The following NRP2 variants were observed in gnomAD, a reference collection of about 807,000 sequenced individuals.
NRP2 encodes neuropilin-2.
Under a neutral mutation model 110.4 loss-of-function variants are expected in NRP2, and 52 were observed. The ratio of observed to expected loss-of-function variants is 0.47; its 90% confidence interval spans 0.38 to 0.59. The LOEUF (loss-of-function observed/expected upper bound fraction) is 0.59. Among genes scored for constraint, NRP2 ranks in the 20% least tolerant of loss-of-function variants. The probability of loss-of-function intolerance (pLI) is 0.00; values close to 1 mark genes in which losing one functional copy is unlikely to be tolerated. For synonymous variants in NRP2, 508 were observed against 468.9 expected (o/e 1.08, Z -1.08); for missense variants, 1,049 against 1,203.0 (o/e 0.87, Z 1.89).
At chr2:205,689,237 A>G (rs1225044908) in intron 1 of NRP2, among the ~76,000 whole-genome samples, 21 of 152,202 alleles carry the variant, frequency 1.4e-4, no homozygotes. Flanking sequence ...TGGGAACTAG[A>G]CTGCCTGGGT....
At chr2:205,722,829 T>C (rs1249985525) in intron 4 of NRP2, 121 bp downstream of exon 4, 1 of 769,444 alleles carries the variant, frequency 1.3e-6, no homozygotes, top group Non-Finnish European at 2.2e-6. Flanking sequence ...TGACCCATGG[T>C]GACTTTCTCT....
chr2:205,691,357 G>C (rs1275309702), intron 1 of NRP2, among the ~76,000 whole-genome samples: 1 of 152,194 alleles, frequency 6.6e-6, no homozygotes, highest in East Asian at 1.9e-4. Context: ...GTGGGATTTA[G>C]AGCAGGGAAG....
At chr2:205,688,630 G>A (rs2056231311) in intron 1 of NRP2, among the ~76,000 whole-genome samples, 1 of 152,064 alleles carries the variant, frequency 6.6e-6, no homozygotes, top group Non-Finnish European at 1.5e-5. Flanking sequence ...CGATCCTCTG[G>A]GACCTTGGTT....
In NRP2 at chr2:205,763,475, C is replaced by T. The variant is rs1167742231; in HGVS notation, c.2045-199C>T. Among the ~76,000 whole-genome samples, 1 of 152,046 alleles carries T rather than the reference C, an allele frequency of 6.6e-6. No homozygotes were observed. Among genetic ancestry groups the T allele is most frequent in the Non-Finnish European group, 1.5e-5 (1 of 68,014 alleles). ...AGGAGGGACCGATTTGACTTAGAGACTCTTAAGAAAACACAGCATTTGAAT... is the reference window on the plus strand; with the variant it reads ...AGGAGGGACCGATTTGACTTAGAGATTCTTAAGAAAACACAGCATTTGAAT... On this transcript the variant is annotated intron_variant, in intron 12 of 16. Transcript: ENST00000357785. This position sits in a 1 kb window ranked among gnomAD's most constrained non-coding sequence, Gnocchi z 4.0.
intron 7 of NRP2, among the ~76,000 whole-genome samples, chr2:205,732,685 G>A (rs548474515): frequency 1.3e-5 from 2 of 152,192 alleles, no homozygotes; most frequent in South Asian, 4.1e-4. Context: ...AGGCCCCATG[G>A]GATATTTATG....
intron 16 of NRP2, 95 bp from the exon 17 acceptor site, chr2:205,794,659 C>T (rs1285359929): frequency 7.2e-6 from 9 of 1,257,548 alleles, no homozygotes; most frequent in East Asian, 4.6e-5. Flanking sequence ...CTGCTAACTA[C>T]TGTGCTCTGA....
At chr2:205,756,942 T>C (rs930706588) in intron 12 of NRP2, 1 of 152,228 alleles carries the variant, frequency 6.6e-6, no homozygotes, top group African/African-American at 2.4e-5. Context: ...GTAAGGTCAA[T>C]AATCATCATC....
chr2:205,764,029 T>G (rs2057869524), intron 13 of NRP2, 93 bp downstream of exon 13: 1 of 1,482,154 alleles, frequency 6.7e-7, no homozygotes, highest in Admixed American at 1.8e-5. Context: ...TAAGCGCTAC[T>G]GTTTTCATTG....
intron 15 of NRP2, among the ~76,000 whole-genome samples, chr2:205,788,267 A>C (rs1347993340): frequency 6.6e-6 from 1 of 152,120 alleles, no homozygotes; most frequent in Non-Finnish European, 1.5e-5. Flanking sequence ...AGTTTTGTGA[A>C]GTTGGGTTGT....
At chr2:205,708,673 T>TC (rs34503431) in intron 2 of NRP2, among the ~76,000 whole-genome samples, 77,902 of 152,064 alleles carry the variant, frequency 0.51, 23,954 homozygotes, top group East Asian at 0.82. Flanking sequence ...TCCATTTTCT[T>TC]GCCTTCAAGG....
chr2:205,718,942 CA>C (rs10701288), intron 3 of NRP2, among the ~76,000 whole-genome samples: 7 of 143,666 alleles, frequency 4.9e-5, no homozygotes, highest in African/African-American at 5.2e-5. Context: ...AATTCCATCT[CA>C]AAAAAAAAAA....
chr2:205,759,217 G>T (rs1383336130), intron 12 of NRP2, among the ~76,000 whole-genome samples: 1 of 152,192 alleles, frequency 6.6e-6, no homozygotes, highest in Non-Finnish European at 1.5e-5. Flanking sequence ...GGGTTCCTAG[G>T]GAAGCAAAGA....
At chr2:205,782,836 AGT>A (rs1421356433) in intron 15 of NRP2, among the ~76,000 whole-genome samples, 1 of 151,106 alleles carries the variant, frequency 6.6e-6, no homozygotes, top group East Asian at 1.9e-4. Flanking sequence ...CCTGTTGATG[AGT>A]GTTCAGACTG....
In NRP2 at chr2:205,728,063, A is replaced by G. The variant is rs763832608; in HGVS notation, c.1146+17A>G. Reference sequence around the variant, plus strand: ...AACCACAAGGTAAATCCATGATCCTACCTTAAAGGCACATTGGACCAGGGC... The same window carrying G: ...AACCACAAGGTAAATCCATGATCCTGCCTTAAAGGCACATTGGACCAGGGC... On this transcript the variant is annotated intron_variant, in intron 7 of 16. Transcript: ENST00000357785. 4.3e-6 allele frequency: 7 copies of G among 1,614,036 alleles called. No individual in the cohort carries two copies. The highest frequency in any genetic ancestry group is 2.2e-5 in the South Asian group (2 of 91,080).
At position 205,794,819 on chromosome 2, in the gene NRP2, G is replaced by A. The variant is rs201258364; in HGVS notation, c.2542G>A (p.Asp848Asn). ...ATSGSGAPST[D>N]KEKSWLYTLD... is the part of the protein sequence containing the mutation. ...CTCAGGGTCTGGCGCCCCCTCGACC[G>A]ACAAAGAAAAGAGCTGGCTGTACAC... is the stretch of plus-strand genomic sequence containing the variant. Residue 848 changes from aspartate to asparagine, a missense_variant, in exon 17 of 17, where the codon GAC becomes AAC. Physicochemically the swap from Asp to Asn is conservative, Grantham distance 23. Transcript: ENST00000357785. The A allele has an allele frequency of 3.8e-5, 62 of 1,614,136 alleles. No individual in the cohort carries two copies. Among genetic ancestry groups the A allele is most frequent in the Middle Eastern group, 1.6e-4 (1 of 6,062 alleles).
intron 2 of NRP2, among the ~76,000 whole-genome samples, chr2:205,701,809 G>T (rs759167641): frequency 6.6e-6 from 1 of 152,110 alleles, no homozygotes; most frequent in Non-Finnish European, 1.5e-5. Flanking sequence ...AGAGTTCCAA[G>T]AGTTCTTTTT....
rs777369352 is a variant in NRP2, at chr2:205,684,490, T to A, written c.73+1127T>A. On this transcript the variant is annotated intron_variant, in intron 1 of 16. Transcript: ENST00000357785. ...TGGTAGAGCTAACTCTGCAGCCTCC[T>A]TGGCATCCCCAGAACATCAGCTAGT... 1.7e-4 allele frequency among the ~76,000 whole-genome samples: 26 copies of A among 152,218 alleles called. 1 individual carries two copies. Among genetic ancestry groups the A allele is most frequent in the Non-Finnish European group, 2.9e-5 (2 of 68,040 alleles).
intron 7 of NRP2, among the ~76,000 whole-genome samples, chr2:205,728,282 G>A (rs2057168964): frequency 6.6e-6 from 1 of 152,226 alleles, no homozygotes; most frequent in Admixed American, 6.5e-5. Flanking sequence ...CAGAGAGAGA[G>A]AGCTTGCAGA....
intron 12 of NRP2, chr2:205,762,273 T>TA (rs2057835881): frequency 6.6e-6 from 1 of 152,204 alleles, no homozygotes; most frequent in Non-Finnish European, 1.5e-5. Context: ...CCAGAGAGCC[T>TA]AAACAGGAAG....
Sources: gnomAD v4.1 joint callset for allele counts (sites outside exome capture counted in the v4.1 genomes callset) on GRCh38, gnomAD v4.1.1 for gene constraint, Gnocchi (gnomAD v3.1) non-coding constraint, MANE v1.5 for transcripts, NCBI Gene and HGNC (gene_info 2026-07-23, HGNC 2026-07-21) for gene names.